Variants in RANBP2 observed in about 807,000 individuals in gnomAD.
RANBP2 encodes E3 SUMO-protein ligase RanBP2.
Under a neutral mutation model 303.6 loss-of-function variants are expected in RANBP2, and 57 were observed. That is an observed-to-expected ratio of 0.19 (90% CI 0.15 to 0.23). RANBP2 has a LOEUF of 0.23. Among genes scored for constraint, RANBP2 ranks in the 10% least tolerant of loss-of-function variants. The pLI, the probability that RANBP2 is intolerant of heterozygous loss-of-function variation, is 1.00. For synonymous variants in RANBP2, 1,167 were observed against 1,301.5 expected (o/e 0.90, Z 2.23); for missense variants, 3,138 against 3,780.8 (o/e 0.83, Z 4.46).
At chr2:108,930,057 AATGCCAC>A in the RANBP2 span, 1 of 1,559,992 alleles carries the variant, frequency 6.4e-7, no homozygotes, top group South Asian at 1.2e-5. Flanking sequence ...TCAGGGCAAC[AATGCCAC>A]AAGCAGGAGG....
the RANBP2 span, among the ~76,000 whole-genome samples, chr2:109,467,649 T>C: frequency 6.6e-6 from 1 of 152,222 alleles, no homozygotes; most frequent in Non-Finnish European, 1.5e-5. Context: ...AAGAACATCA[T>C]GTATTTTTGT....
the RANBP2 span, among the ~76,000 whole-genome samples, chr2:109,646,674 T>G: frequency 6.7e-6 from 1 of 150,048 alleles, no homozygotes; most frequent in Non-Finnish European, 1.5e-5. Flanking sequence ...TTTTTTTTTT[T>G]TTTGTATTTT....
At chr2:108,745,032 G>A (rs1303380323) in intron 7 of RANBP2, among the ~76,000 whole-genome samples, 1 of 151,320 alleles carries the variant, frequency 6.6e-6, no homozygotes, top group Non-Finnish European at 1.5e-5. Context: ...TTGGATGCTT[G>A]CATATTATTC....
the RANBP2 span, among the ~76,000 whole-genome samples, chr2:109,239,451 G>A: frequency 2.0e-5 from 3 of 152,232 alleles, no homozygotes; most frequent in African/African-American, 7.2e-5. Context: ...CCTGCTCCTT[G>A]CCTCCAATCA....
the RANBP2 span, among the ~76,000 whole-genome samples, chr2:108,858,894 T>C: frequency 6.6e-6 from 1 of 152,114 alleles, no homozygotes; most frequent in East Asian, 1.9e-4. Flanking sequence ...TGTATATGTA[T>C]CACATTTTCT....
chr2:109,202,933 A>G, the RANBP2 span, among the ~76,000 whole-genome samples: 5 of 152,242 alleles, frequency 3.3e-5, no homozygotes, highest in Non-Finnish European at 7.3e-5. Context: ...GTGTCATGGA[A>G]GGAATGCAAA....
chr2:109,614,969 C>G, the RANBP2 span: 2 of 1,529,364 alleles, frequency 1.3e-6, no homozygotes, highest in Non-Finnish European at 1.8e-6. Context: ...CGCGGCGCGA[C>G]GTGCAGCCCC....
At chr2:108,824,952 T>C in the RANBP2 span, among the ~76,000 whole-genome samples, 1 of 152,172 alleles carries the variant, frequency 6.6e-6, no homozygotes, top group South Asian at 2.1e-4. Flanking sequence ...GATTAAAAAT[T>C]GGTAAAGAAT....
At chr2:109,382,228 A>G in the RANBP2 span, among the ~76,000 whole-genome samples, 9 of 152,134 alleles carry the variant, frequency 5.9e-5, no homozygotes, top group African/African-American at 1.9e-4. Context: ...ATGCCAGCAC[A>G]TAGGTAACTT....
the RANBP2 span, chr2:108,839,190 G>T: frequency 6.2e-7 from 1 of 1,601,772 alleles, no homozygotes; most frequent in Non-Finnish European, 8.5e-7. Flanking sequence ...TTTAGCTTTT[G>T]CCTCTAATGA....
At chr2:108,751,127 A>C (rs910672473) in intron 9 of RANBP2, 137 bp from the exon 10 acceptor site, 9 of 1,464,796 alleles carry the variant, frequency 6.1e-6, no homozygotes, top group Middle Eastern at 2.5e-4. Flanking sequence ...TGCCTAACAT[A>C]GAATTCCCTT....
chr2:109,202,983 T>C, the RANBP2 span, among the ~76,000 whole-genome samples: 2 of 152,190 alleles, frequency 1.3e-5, no homozygotes, highest in African/African-American at 4.8e-5. Flanking sequence ...ATAACACTTG[T>C]GCCTAACAAG....
chr2:108,942,927 C>T, the RANBP2 span, among the ~76,000 whole-genome samples: 1 of 152,226 alleles, frequency 6.6e-6, no homozygotes, highest in East Asian at 1.9e-4. Context: ...TCTCCCTGCT[C>T]CTAATCCTGG....
chr2:108,815,958 A>G, the RANBP2 span: 1 of 1,609,462 alleles, frequency 6.2e-7, no homozygotes, highest in Non-Finnish European at 8.5e-7. Context: ...TTAATGGGCA[A>G]GTTTATGAAC....
chr2:109,242,400 G>T, the RANBP2 span, among the ~76,000 whole-genome samples: 1 of 152,286 alleles, frequency 6.6e-6, no homozygotes, highest in East Asian at 1.9e-4. Flanking sequence ...GTTGCAGATG[G>T]TCACACCCAT....
the RANBP2 span, chr2:108,896,834 G>A: frequency 5.5e-6 from 8 of 1,456,864 alleles, no homozygotes; most frequent in Non-Finnish European, 6.6e-6. Context: ...CAGTCTTTTG[G>A]CACCACTCAC....
chr2:108,840,806 T>C, the RANBP2 span, among the ~76,000 whole-genome samples: 1 of 152,006 alleles, frequency 6.6e-6, no homozygotes, highest in Admixed American at 6.6e-5. Flanking sequence ...CTTTTTTTCT[T>C]TTTTTCTTTT....
At chr2:109,678,764 G>A in the RANBP2 span, among the ~76,000 whole-genome samples, 1 of 152,142 alleles carries the variant, frequency 6.6e-6, no homozygotes, top group Non-Finnish European at 1.5e-5. Flanking sequence ...TTCGCAGGCG[G>A]TGGGGTGTCC....
chr2:108,939,058 A>G, the RANBP2 span, among the ~76,000 whole-genome samples: 1 of 152,096 alleles, frequency 6.6e-6, no homozygotes. Context: ...GATTACAGGC[A>G]TGAGCCACCG....
Sources: gnomAD v4.1 joint callset for allele counts (sites outside exome capture counted in the v4.1 genomes callset) on GRCh38, gnomAD v4.1.1 for gene constraint, MANE v1.5 for transcripts, NCBI Gene and HGNC (gene_info 2026-07-23, HGNC 2026-07-21) for gene names.